Variants in SNX12 observed in about 807,000 individuals in gnomAD.
The protein encoded by SNX12 is sorting nexin 12, also known as sorting nexin-12.
For missense variants in SNX12, 62 were observed against 141.3 expected (o/e 0.44, Z 2.84); for synonymous variants, 47 against 56.0 (o/e 0.84, Z 0.71).
upstream of SNX12, chrX:71,068,366 G>A (rs1328235222): frequency 9.3e-5 from 92 of 991,960 alleles, no homozygotes; most frequent in Admixed American, 7.0e-4. Flanking sequence ...CCTGAGGCAG[G>A]AGCGCGCACG....
At chrX:71,068,754 C>A, upstream of SNX12, among the ~76,000 whole-genome samples, 1 of 112,036 alleles carries the variant, frequency 8.9e-6, no homozygotes, top group Admixed American at 9.4e-5. Flanking sequence ...CCTGGTTTTC[C>A]GCGAAAATAG....
chrX:71,063,780 G>A (rs2092141337), intron 1 of SNX12, among the ~76,000 whole-genome samples: 1 of 109,862 alleles, frequency 9.1e-6, no homozygotes, highest in Admixed American at 9.8e-5. Context: ...TGTAGTGGCA[G>A]TGCTCGCTTG....
In SNX12 at chrX:71,061,040, G is replaced by A. The variant is rs1414325722; in HGVS notation, c.465C>T (p.Tyr155=). 5.8e-6 allele frequency: 7 copies of A among 1,206,717 alleles called. No homozygotes were observed. Among genetic ancestry groups the A allele is most frequent in the African/African-American group, 1.7e-5 (1 of 57,179 alleles). The change falls in exon 4 of 4, where the codon TAC becomes TAT. Residue 155 remains tyrosine (Y), a synonymous_variant. Transcript: ENST00000374274. The part of the protein sequence containing the change: ...FLQEEAIDRN[Y]VPGKVRQ ...CCTACTGGCGCACCTTCCCCGGGAC[G>A]TAGTTCCTGTCAATTGCCTCCTCTT...
chrX:71,068,366 G>T, upstream of SNX12: 1 of 993,483 alleles, frequency 1.0e-6, no homozygotes. Context: ...CCTGAGGCAG[G>T]AGCGCGCACG....
intron 3 of SNX12, 79 bp from the exon 4 acceptor site, chrX:71,061,197 G>A (rs2092129952): frequency 2.4e-6 from 2 of 835,230 alleles, no homozygotes; most frequent in East Asian, 3.4e-5. Flanking sequence ...GTGGACAGGG[G>A]AAGAAGGGCA....
At chrX:71,073,154 T>C (rs2092178275), upstream of SNX12, 1 of 111,014 alleles carries the variant, frequency 9.0e-6, no homozygotes, top group African/African-American at 3.3e-5. Context: ...TGCGTTTCCT[T>C]GACCACAGTG....
upstream of SNX12, among the ~76,000 whole-genome samples, chrX:71,071,986 G>A (rs1273663491): frequency 9.1e-5 from 10 of 110,196 alleles, no homozygotes; most frequent in African/African-American, 2.6e-4. Flanking sequence ...GGCCGGGCAC[G>A]GTGGCTCACG....
chrX:71,061,748 TA>T, intron 3 of SNX12, 94 bp downstream of exon 3: 1 of 761,747 alleles, frequency 1.3e-6, no homozygotes, highest in African/African-American at 2.2e-5. Flanking sequence ...AATAAATAAG[TA>T]AATAAAAATA....
upstream of SNX12, among the ~76,000 whole-genome samples, chrX:71,072,395 A>T: frequency 9.0e-6 from 1 of 111,685 alleles, no homozygotes; most frequent in Non-Finnish European, 1.9e-5. Context: ...GGTGGTTAAT[A>T]GTGTTTAATA....
At chrX:71,062,109 A>G (rs923169609) in intron 2 of SNX12, 142 bp from the exon 3 acceptor site, 1 of 489,914 alleles carries the variant, frequency 2.0e-6, no homozygotes, top group South Asian at 5.5e-5. Context: ...CTAAGACCAT[A>G]AGAACAGTCA....
chrX:71,070,598 C>T (rs1388059020), upstream of SNX12, among the ~76,000 whole-genome samples: 1 of 111,322 alleles, frequency 9.0e-6, no homozygotes, highest in Non-Finnish European at 1.9e-5. Flanking sequence ...AGATGTCCAG[C>T]GAGTAGCTGG....
At chrX:71,068,338 G>A (rs763171843), upstream of SNX12, 3 of 1,144,793 alleles carry the variant, frequency 2.6e-6, no homozygotes, top group South Asian at 1.9e-5. Context: ...ACCGGGGAAA[G>A]GGGGTGGGGG....
chrX:71,068,128 A>G lies in SNX12; in HGVS notation c.165+14T>C, dbSNP rs1179026396. 2.8e-6 allele frequency: 3 copies of G among 1,081,389 alleles called. No homozygotes were observed. Among genetic ancestry groups the G allele is most frequent in the Non-Finnish European group, 3.6e-6 (3 of 825,993 alleles). The allele number at this position is 1,081,389 out of a possible 1,213,427, so 89.1% of individuals were successfully genotyped here. ...CGGTCCTCCCTCAGCTGTCTCCCTCACCCCGTGACTCACCCGCATGCGAAC... is the reference window on the plus strand; with the variant it reads ...CGGTCCTCCCTCAGCTGTCTCCCTCGCCCCGTGACTCACCCGCATGCGAAC... On this transcript the variant is annotated intron_variant, in intron 1 of 3. Transcript: ENST00000374274.
intron 3 of SNX12, 148 bp from the exon 4 acceptor site, chrX:71,061,266 A>T (rs1415920497): frequency 1.3e-5 from 6 of 468,399 alleles, no homozygotes; most frequent in Non-Finnish European, 2.2e-5. Flanking sequence ...CCTCAACCCT[A>T]ATATTGTAAA....
At position 71,060,923 on chromosome X, in the gene SNX12, C is replaced by T. The variant is rs1246731422; in HGVS notation, c.*93G>A. On this transcript the variant is annotated 3_prime_UTR_variant, in exon 4 of 4. Transcript: ENST00000374274. Reference sequence around the variant, plus strand: ...ACAGTCTATCAGGCCAGGAGATGGGCAGCCAACTTCAGATCAAAGACAGAG... The same window carrying T: ...ACAGTCTATCAGGCCAGGAGATGGGTAGCCAACTTCAGATCAAAGACAGAG... 2 of 673,615 alleles carry T rather than the reference C, an allele frequency of 3.0e-6. No individual in the cohort carries two copies. Among genetic ancestry groups the T allele is most frequent in the African/African-American group, 2.1e-5 (1 of 46,790 alleles). The allele number at this position is 673,615 out of a possible 1,213,427, so 55.5% of individuals were successfully genotyped here.
rs1012684407 is a variant in SNX12 at position 71,059,301 on chromosome X, A to C, written c.*1715T>G. 1 of 112,328 alleles carries C rather than the reference A, an allele frequency of 8.9e-6. No individual in the cohort carries two copies. The highest frequency in any genetic ancestry group is 3.2e-5 in the African/African-American group (1 of 30,907). 9.3% of individuals were successfully genotyped at this position (112,328 alleles called of 1,213,427 possible). The stretch of plus-strand genomic sequence containing the variant: ...GTTGAATATGACATTGTCTGACAGA[A>C]GAATGAACAGTTTGCTGAATAAAAG... On this transcript the variant is annotated 3_prime_UTR_variant, in exon 4 of 4. Transcript: ENST00000374274.
In SNX12 at chrX:71,066,895, T is replaced by C. The variant is rs187617227; in HGVS notation, c.165+1247A>G. On this transcript the variant is annotated intron_variant, in intron 1 of 3. Transcript: ENST00000374274. Reference sequence around the variant, plus strand: ...TCACTTTTCTTTCTTCAGTTTGGACTTTGCCAAACTTGGAATCTGGAAATC... The same window carrying C: ...TCACTTTTCTTTCTTCAGTTTGGACCTTGCCAAACTTGGAATCTGGAAATC... Among the ~76,000 whole-genome samples the C allele has an allele frequency of 2.1e-3, 237 of 111,934 alleles. 3 individuals are homozygous for C. The highest frequency in any genetic ancestry group is 7.5e-3 in the African/African-American group (230 of 30,830).
chrX:71,061,404 C>T (rs956889861), intron 3 of SNX12, among the ~76,000 whole-genome samples: 5 of 112,174 alleles, frequency 4.5e-5, no homozygotes, highest in Non-Finnish European at 9.4e-5. Flanking sequence ...GTCCAGTCAG[C>T]CCACCACACA....
At position 71,059,860 on chromosome X, in the gene SNX12, C is replaced by T. The variant is rs1390530867; in HGVS notation, c.*1156G>A. The stretch of plus-strand genomic sequence containing the variant: ...ATGTTAAGATTTAGGAAATCCATAC[C>T]AAGCTGCTATCCATAGTTCAACTTC... On this transcript the variant is annotated 3_prime_UTR_variant, in exon 4 of 4. Coordinates refer to ENST00000374274, the MANE Select transcript of SNX12 (RefSeq NM_013346.4). 8.9e-6 allele frequency: 1 copy of T among 111,760 alleles called. No homozygotes were observed. Among genetic ancestry groups the T allele is most frequent in the Non-Finnish European group, 1.9e-5 (1 of 53,171 alleles). 9.2% of individuals were successfully genotyped at this position (111,760 alleles called of 1,213,427 possible).
Sources: gnomAD v4.1 joint callset for allele counts (sites outside exome capture counted in the v4.1 genomes callset) on GRCh38, gnomAD v4.1.1 for gene constraint, MANE v1.5 for transcripts, NCBI Gene and HGNC (gene_info 2026-07-23, HGNC 2026-07-21) for gene names.